LRRTM4: variants seen among roughly 807,000 people sequenced by gnomAD.
LRRTM4 encodes leucine-rich repeat transmembrane neuronal protein 4.
A neutral mutation model predicts 47.6 loss-of-function variants in LRRTM4; 25 were observed. That is an observed-to-expected ratio of 0.53 (90% confidence interval 0.38 to 0.73). The LOEUF (loss-of-function observed/expected upper bound fraction) is 0.73, where lower values mean the gene tolerates loss of function less well. Among genes scored for constraint, LRRTM4 ranks in the 30% least tolerant of loss-of-function variants. The pLI, the probability that LRRTM4 is intolerant of heterozygous loss-of-function variation, is 0.00. For synonymous variants in LRRTM4, 311 were observed against 269.5 expected (o/e 1.15, Z -1.51); for missense variants, 638 against 713.4 (o/e 0.89, Z 1.20).
chr2:76,771,380 C>T (rs947339405), intron 3 of LRRTM4, among the ~76,000 whole-genome samples: 1 of 152,110 alleles, frequency 6.6e-6, no homozygotes, highest in South Asian at 2.1e-4. Context: ...CTCAGAACTA[C>T]TCCATCTGAT....
chr2:77,215,169 T>A (rs1674401542), intron 3 of LRRTM4, among the ~76,000 whole-genome samples: 1 of 152,136 alleles, frequency 6.6e-6, no homozygotes, highest in Non-Finnish European at 1.5e-5. Flanking sequence ...AACCTTTACA[T>A]TTTAACTATA....
intron 3 of LRRTM4, among the ~76,000 whole-genome samples, chr2:77,421,002 T>C (rs1573390335): frequency 6.6e-6 from 1 of 150,872 alleles, no homozygotes. Context: ...GCCACAGGCC[T>C]GGGCAGAAAA....
In LRRTM4 at chr2:77,357,026, G is replaced by C. The variant is rs1030904698; in HGVS notation, c.1551+161292C>G. Among the ~76,000 whole-genome samples, 3 of 151,892 alleles carry C rather than the reference G, an allele frequency of 2.0e-5. No individual in the cohort carries two copies. In the East Asian group the frequency reaches 5.8e-4, roughly 29 times the overall value. ...TTTACAATGGCATCCTAAGTTATTA[G>C]TGATTCAAAATAATACCTAGATACT... On this transcript the variant is annotated intron_variant, in intron 3 of 3. Coordinates refer to ENST00000409884, the MANE Select transcript of LRRTM4 (RefSeq NM_001134745.3).
At chr2:77,348,438 T>A (rs1671646000) in intron 3 of LRRTM4, among the ~76,000 whole-genome samples, 1 of 150,852 alleles carries the variant, frequency 6.6e-6, no homozygotes, top group South Asian at 2.1e-4. Context: ...AAATTATATA[T>A]ACACACATTT....
chr2:77,225,723 A>G (rs1340843886), intron 3 of LRRTM4, among the ~76,000 whole-genome samples: 1 of 152,152 alleles, frequency 6.6e-6, no homozygotes, highest in African/African-American at 2.4e-5. Context: ...GAAATACACA[A>G]TATAGCCAGG....
chr2:77,477,999 T>C (rs1380345094), intron 3 of LRRTM4, among the ~76,000 whole-genome samples: 1 of 151,684 alleles, frequency 6.6e-6, no homozygotes, highest in African/African-American at 2.4e-5. Flanking sequence ...AGGCAATTAT[T>C]GCTAATTTCA....
chr2:76,749,151 G>A (rs1034949906), intron 3 of LRRTM4, among the ~76,000 whole-genome samples: 2 of 152,004 alleles, frequency 1.3e-5, no homozygotes, highest in Non-Finnish European at 2.9e-5. Context: ...ACTTTTCATT[G>A]CTCTAGCTAG....
chr2:77,053,111 G>C (rs1679494121), intron 3 of LRRTM4, among the ~76,000 whole-genome samples: 1 of 152,130 alleles, frequency 6.6e-6, no homozygotes, highest in Non-Finnish European at 1.5e-5. Flanking sequence ...CAACCTCACT[G>C]GTTTAAAGAA....
chr2:77,187,241 TTGTGAGCA>T (rs1219173385), intron 3 of LRRTM4, among the ~76,000 whole-genome samples: 2 of 152,164 alleles, frequency 1.3e-5, no homozygotes, highest in African/African-American at 4.8e-5. Context: ...ACAAAGTTCC[TTGTGAGCA>T]TGTGTTGAAC....
chr2:77,103,974 C>CT (rs1226263159), intron 3 of LRRTM4, among the ~76,000 whole-genome samples: 70 of 152,226 alleles, frequency 4.6e-4, no homozygotes, highest in Middle Eastern at 6.8e-3. Context: ...ATTTCAAACT[C>CT]AATCATTCAA....
At chr2:77,191,652 AT>A (rs1431367026) in intron 3 of LRRTM4, among the ~76,000 whole-genome samples, 4 of 151,922 alleles carry the variant, frequency 2.6e-5, no homozygotes, top group African/African-American at 7.2e-5. Context: ...AAAAATGAAA[AT>A]TTTTCTAAAT....
At chr2:77,497,681 A>G (rs1000435035) in intron 3 of LRRTM4, among the ~76,000 whole-genome samples, 1 of 150,942 alleles carries the variant, frequency 6.6e-6, no homozygotes, top group Non-Finnish European at 1.5e-5. Flanking sequence ...ATGGATTTGT[A>G]TATAATTATA....
At chr2:77,126,895 T>G (rs1409786498) in intron 3 of LRRTM4, among the ~76,000 whole-genome samples, 1 of 152,182 alleles carries the variant, frequency 6.6e-6, no homozygotes, top group African/African-American at 2.4e-5. Context: ...CCATTATTTT[T>G]TTCTACTTTT....
intron 3 of LRRTM4, among the ~76,000 whole-genome samples, chr2:76,949,639 T>G (rs1352986027): frequency 6.6e-6 from 1 of 151,898 alleles, no homozygotes; most frequent in Non-Finnish European, 1.5e-5. Context: ...TGGGAAGATC[T>G]CAGATTCTTC....
chr2:77,017,275 C>A (rs1261771515), intron 3 of LRRTM4, among the ~76,000 whole-genome samples: 1 of 152,174 alleles, frequency 6.6e-6, no homozygotes, highest in African/African-American at 2.4e-5. Flanking sequence ...TGCATATATT[C>A]TCTAAGAGTC....
At chr2:76,871,209 G>A (rs1194704893) in intron 3 of LRRTM4, among the ~76,000 whole-genome samples, 2 of 152,070 alleles carry the variant, frequency 1.3e-5, no homozygotes, top group Non-Finnish European at 2.9e-5. Flanking sequence ...CTATTTAAAA[G>A]AAATAGAAAA....
intron 3 of LRRTM4, among the ~76,000 whole-genome samples, chr2:76,946,760 G>A (rs2103876071): frequency 6.6e-6 from 1 of 151,968 alleles, no homozygotes; most frequent in African/African-American, 2.4e-5. Context: ...AATTTGGTCT[G>A]TAATCTTCTA....
chr2:77,277,990 C>G (rs182192009), intron 3 of LRRTM4, among the ~76,000 whole-genome samples: 103 of 152,040 alleles, frequency 6.8e-4, no homozygotes, highest in Non-Finnish European at 1.2e-3. Flanking sequence ...GTCTCTTTCT[C>G]TCTCTTTCTT....
At chr2:77,487,939 C>T (rs1455298789) in intron 3 of LRRTM4, among the ~76,000 whole-genome samples, 1 of 152,176 alleles carries the variant, frequency 6.6e-6, no homozygotes, top group African/African-American at 2.4e-5. Flanking sequence ...ACCTCTTCAC[C>T]TCAATCACCC....
Sources: gnomAD v4.1 joint callset for allele counts (sites outside exome capture counted in the v4.1 genomes callset) on GRCh38, gnomAD v4.1.1 for gene constraint, MANE v1.5 for transcripts, NCBI Gene and HGNC (gene_info 2026-07-23, HGNC 2026-07-21) for gene names.